FCN2: variants seen among roughly 807,000 people sequenced by gnomAD.
FCN2 encodes ficolin-2.
In FCN2, 31 loss-of-function variants were observed where a neutral mutation model predicts 32.5. The observed-to-expected ratio is 0.96, with a 90% CI of 0.72 to 1.29. FCN2 has a LOEUF of 1.29. FCN2 is among the 50% of genes most tolerant of loss of function. The pLI, the probability that FCN2 is intolerant of heterozygous loss-of-function variation, is 0.00. For missense variants in FCN2, 412 were observed against 406.5 expected, an observed-to-expected ratio of 1.01 and a Z score of -0.12; for synonymous variants, 181 against 164.5, an observed-to-expected ratio of 1.10 and a Z score of -0.77.
At chr9:134,883,194 G>T (rs1303923188) in intron 2 of FCN2, 108 bp from the exon 3 acceptor site, 5 of 967,416 alleles carry the variant, frequency 5.2e-6, no homozygotes, top group South Asian at 1.3e-5. Flanking sequence ...GTCGTAGCAC[G>T]AGCAGGGTCA....
intron 4 of FCN2, 43 bp downstream of exon 4, chr9:134,884,815 C>A: frequency 6.2e-7 from 1 of 1,600,618 alleles, no homozygotes; most frequent in Middle Eastern, 1.7e-4. Flanking sequence ...TTGTGGCTGC[C>A]CTTGGCTGGA....
chr9:134,866,973 T>TA, the FCN2 span, among the ~76,000 whole-genome samples: 1 of 110,420 alleles, frequency 9.1e-6, no homozygotes, highest in South Asian at 3.5e-4. Context: ...TGGCAATCAT[T>TA]AAAAAGTCAG....
the FCN2 span, among the ~76,000 whole-genome samples, chr9:134,864,394 T>A: frequency 6.6e-6 from 1 of 152,146 alleles, no homozygotes; most frequent in East Asian, 1.9e-4. Flanking sequence ...GGGAAGCCTG[T>A]GGGGCCTGCG....
chr9:134,880,312 A>C (rs1830644849), upstream of FCN2, among the ~76,000 whole-genome samples: 1 of 152,104 alleles, frequency 6.6e-6, no homozygotes, highest in Admixed American at 6.5e-5. Flanking sequence ...CCTGGACCTC[A>C]TAGTGGCAGT....
At chr9:134,871,257 C>T in the FCN2 span, among the ~76,000 whole-genome samples, 185 of 152,306 alleles carry the variant, frequency 1.2e-3, 1 homozygote, top group African/African-American at 4.1e-3. Context: ...TGGATTCCCG[C>T]GGCTTGGCCA....
intron 2 of FCN2, 22 bp from the exon 3 acceptor site, chr9:134,883,280 T>A (rs1465339153): frequency 6.2e-7 from 1 of 1,604,922 alleles, no homozygotes; most frequent in Non-Finnish European, 8.5e-7. Context: ...TTTCCTCAAG[T>A]CAGTGTCTTT....
At position 134,883,889 on chromosome 9, in the gene FCN2, G is replaced by A. The variant is rs994345653; in HGVS notation, c.268+534G>A. On this transcript the variant is annotated intron_variant, in intron 3 of 7. Coordinates refer to ENST00000291744, the MANE Select transcript of FCN2 (RefSeq NM_004108.3). ...GTCTGTATGGGGGGGTTCTCAGGTA[G>A]GGGAAGGTTTTCAGTGCAGGAGCAT... is the stretch of plus-strand genomic sequence containing the variant. 1.1e-4 allele frequency among the ~76,000 whole-genome samples: 17 copies of A among 150,038 alleles called. 1 individual carries two copies. Among genetic ancestry groups the A allele is most frequent in the African/African-American group, 3.7e-4 (15 of 40,748 alleles).
chr9:134,875,979 G>C (rs1311524728), upstream of FCN2, among the ~76,000 whole-genome samples: 2 of 152,176 alleles, frequency 1.3e-5, no homozygotes, highest in African/African-American at 2.4e-5. Flanking sequence ...CATTTTTGGA[G>C]AGCCTTTTTC....
chr9:134,870,304 A>G, the FCN2 span, among the ~76,000 whole-genome samples: 3 of 152,052 alleles, frequency 2.0e-5, no homozygotes, highest in Non-Finnish European at 4.4e-5. This position sits in a 1 kb window ranked among gnomAD's most constrained non-coding sequence, Gnocchi z 4.3. Flanking sequence ...AGCCTGGCCC[A>G]CCCGGCCTAG....
chr9:134,869,798 C>T, the FCN2 span, among the ~76,000 whole-genome samples: 1 of 152,228 alleles, frequency 6.6e-6, no homozygotes, highest in East Asian at 1.9e-4. Context: ...GGAGCCTTGG[C>T]TCCTGCCCTC....
In FCN2 at chr9:134,885,243, G is replaced by A. The variant is rs369807019; in HGVS notation, c.306G>A (p.Pro102=). 2.3e-5 allele frequency: 37 copies of A among 1,614,048 alleles called. 1 individual carries two copies. The East Asian group carries it at 3.1e-4, about 14-fold the overall frequency. The stretch of plus-strand genomic sequence containing the variant: ...TTCCCCGGGTTCCCTTCCCAGGCCC[G>A]CGTACCTGCAAGGACCTGCTAGACC... ...PGEPQPCLTG[P]RTCKDLLDRG... is the part of the protein sequence containing the mutation. The change falls in exon 5 of 8, where the codon CCG becomes CCA. Residue 102 remains proline, a synonymous_variant. Coordinates refer to ENST00000291744, the MANE Select transcript of FCN2 (RefSeq NM_004108.3).
the FCN2 span, among the ~76,000 whole-genome samples, chr9:134,874,325 T>C: frequency 6.6e-6 from 1 of 152,254 alleles, no homozygotes; most frequent in African/African-American, 2.4e-5. Context: ...TTCCAATGTT[T>C]TCTTCTGGAA....
At chr9:134,880,157 C>A (rs147045772), upstream of FCN2, among the ~76,000 whole-genome samples, 26 of 152,308 alleles carry the variant, frequency 1.7e-4, no homozygotes, top group East Asian at 4.8e-3. Context: ...GTCTCCCCTT[C>A]AGATGTGTAC....
At chr9:134,884,669 C>A in intron 3 of FCN2, 71 bp from the exon 4 acceptor site, 1 of 1,473,628 alleles carries the variant, frequency 6.8e-7, no homozygotes, top group South Asian at 1.1e-5. Context: ...ATGGTGTCCG[C>A]GGACCAATGG....
the FCN2 span, among the ~76,000 whole-genome samples, chr9:134,871,749 T>C: frequency 2.6e-5 from 4 of 152,208 alleles, no homozygotes; most frequent in East Asian, 7.7e-4. Context: ...AAGCTTATGC[T>C]CTGGGTCCCA....
At chr9:134,881,567 G>A (rs777273473) in intron 1 of FCN2, among the ~76,000 whole-genome samples, 11 of 152,182 alleles carry the variant, frequency 7.2e-5, no homozygotes, top group South Asian at 2.1e-4. Context: ...TCCTGACTCC[G>A]TCTACCCGGG....
At chr9:134,878,600 A>T (rs1364561955), upstream of FCN2, among the ~76,000 whole-genome samples, 4 of 152,154 alleles carry the variant, frequency 2.6e-5, no homozygotes, top group African/African-American at 9.7e-5. Flanking sequence ...CCCAACACTT[A>T]GGGAGGCCAA....
the FCN2 span, among the ~76,000 whole-genome samples, chr9:134,873,315 T>C: frequency 3.9e-5 from 6 of 152,194 alleles, no homozygotes; most frequent in East Asian, 1.2e-3. Flanking sequence ...ATCAAGTTGT[T>C]GATAGGGCTG....
chr9:134,867,695 G>T, the FCN2 span, among the ~76,000 whole-genome samples: 1 of 150,872 alleles, frequency 6.6e-6, no homozygotes, highest in African/African-American at 2.4e-5. Context: ...AAACAACCTT[G>T]GTTTGGCTGC....
Sources: gnomAD v4.1 joint callset for allele counts (sites outside exome capture counted in the v4.1 genomes callset) on GRCh38, gnomAD v4.1.1 for gene constraint, Gnocchi (gnomAD v3.1) non-coding constraint, MANE v1.5 for transcripts, NCBI Gene and HGNC (gene_info 2026-07-23, HGNC 2026-07-21) for gene names.